The following MYO18B variants were observed in gnomAD, a reference collection of about 807,000 sequenced individuals.
MYO18B encodes myosin XVIIIB.
MYO18B carries 204 observed loss-of-function variants against 273.0 expected under a neutral mutation model. That is an observed-to-expected ratio of 0.75 (90% confidence interval 0.67 to 0.84). The LOEUF (loss-of-function observed/expected upper bound fraction) is 0.84, where lower values mean the gene tolerates loss of function less well. Among genes scored for constraint, MYO18B ranks in the 40% least tolerant of loss-of-function variants. The probability of loss-of-function intolerance (pLI) is 0.00; values close to 1 mark genes in which losing one functional copy is unlikely to be tolerated. For synonymous variants in MYO18B, 1,330 were observed against 1,305.7 expected, an observed-to-expected ratio of 1.02 and a Z score of -0.40; for missense variants, 3,212 against 3,287.6, an observed-to-expected ratio of 0.98 and a Z score of 0.56.
At chr22:25,873,058 C>T (rs182665462) in intron 22 of MYO18B, among the ~76,000 whole-genome samples, 58 of 152,300 alleles carry the variant, frequency 3.8e-4, no homozygotes, top group Admixed American at 7.2e-4. Context: ...GCTACCCTTG[C>T]GCATTGGCAG....
At chr22:26,063,187 A>G in the MYO18B span, among the ~76,000 whole-genome samples, 3 of 152,238 alleles carry the variant, frequency 2.0e-5, no homozygotes, top group African/African-American at 7.2e-5. Context: ...AATGATATTC[A>G]GATTAATAAA....
At chr22:25,990,680 T>G (rs1479971950) in intron 39 of MYO18B, among the ~76,000 whole-genome samples, 1 of 87,494 alleles carries the variant, frequency 1.1e-5, no homozygotes, top group Non-Finnish European at 2.1e-5. Flanking sequence ...GAGCAAGACT[T>G]TGTCTCAAAA....
chr22:25,789,045 T>C (rs1457197279), intron 11 of MYO18B, among the ~76,000 whole-genome samples: 2 of 151,850 alleles, frequency 1.3e-5, no homozygotes, highest in Non-Finnish European at 2.9e-5. Context: ...CTTCCTTCTT[T>C]CTTTTTCTTC....
At chr22:25,956,744 C>G (rs1157654729) in intron 39 of MYO18B, among the ~76,000 whole-genome samples, 5 of 152,142 alleles carry the variant, frequency 3.3e-5, no homozygotes, top group Admixed American at 3.3e-4. Flanking sequence ...TAGAGACAGC[C>G]CACAATATGC....
chr22:25,756,701 A>C (rs567256013), intron 1 of MYO18B: 1 of 152,252 alleles, frequency 6.6e-6, no homozygotes, highest in Non-Finnish European at 1.5e-5. Flanking sequence ...AGCAGCCTTC[A>C]TCTTTTCATC....
chr22:25,773,788 G>A (rs959365652), intron 7 of MYO18B, among the ~76,000 whole-genome samples: 3 of 152,188 alleles, frequency 2.0e-5, no homozygotes, highest in Non-Finnish European at 4.4e-5. Flanking sequence ...TTTATGAACT[G>A]GGCAGCCTCC....
chr22:25,795,924 A>T (rs953556387), intron 11 of MYO18B, among the ~76,000 whole-genome samples: 2 of 152,094 alleles, frequency 1.3e-5, no homozygotes, highest in Non-Finnish European at 2.9e-5. Context: ...CTTGTATCTG[A>T]TACTAATTTG....
At chr22:25,772,247 T>A in intron 6 of MYO18B, 87 bp from the exon 7 acceptor site, 2 of 1,188,930 alleles carry the variant, frequency 1.7e-6, no homozygotes, top group South Asian at 1.5e-5. Context: ...GAGGGCTTAG[T>A]GTGTGTTTGG....
At chr22:25,801,789 A>G (rs1369556198) in intron 12 of MYO18B, among the ~76,000 whole-genome samples, 2 of 152,148 alleles carry the variant, frequency 1.3e-5, no homozygotes, top group East Asian at 3.9e-4. Flanking sequence ...GAGGACTGTT[A>G]CGATGCCCAT....
In MYO18B at chr22:25,768,300, C is replaced by G. The variant is rs1212678254; in HGVS notation, c.384C>G (p.Ala128=). The G allele has an allele frequency of 1.9e-6, 3 of 1,613,746 alleles. No homozygotes were observed. The African/African-American group carries it at 4.0e-5, about 22-fold the overall frequency. The change falls in exon 4 of 44, where the codon GCC becomes GCG. Residue 128 remains alanine (A), a synonymous_variant. Coordinates refer to ENST00000335473, the MANE Select transcript of MYO18B (RefSeq NM_032608.7). The stretch of plus-strand genomic sequence containing the variant: ...TGACAAGCATCAATGGTGAGAAGGC[C>G]CAGGAGCTGGGCTCCAGTGCGACAC... ...EQMTSINGEK[A]QELGSSATPT...
intron 43 of MYO18B, among the ~76,000 whole-genome samples, chr22:26,029,159 A>G (rs369045794): frequency 1.8e-4 from 27 of 152,306 alleles, no homozygotes; most frequent in African/African-American, 6.3e-4. Context: ...CATGAGTGAA[A>G]TTAGAGCTGT....
intron 14 of MYO18B, among the ~76,000 whole-genome samples, chr22:25,828,199 A>T (rs1349070118): frequency 6.6e-6 from 1 of 152,080 alleles, no homozygotes; most frequent in East Asian, 1.9e-4. Context: ...GGTGGCTAAG[A>T]CGGTGGAGGC....
At chr22:25,824,425 T>G (rs1039308192) in intron 13 of MYO18B, among the ~76,000 whole-genome samples, 1 of 152,032 alleles carries the variant, frequency 6.6e-6, no homozygotes, top group Non-Finnish European at 1.5e-5. Flanking sequence ...GCTGGAAGAA[T>G]GAGGATGCTT....
At chr22:26,003,625 A>G (rs191286276) in intron 41 of MYO18B, among the ~76,000 whole-genome samples, 1 of 152,052 alleles carries the variant, frequency 6.6e-6, no homozygotes, top group East Asian at 1.9e-4. Context: ...TTCCCCTCCA[A>G]CTGTGATTTC....
At chr22:26,023,375 G>A (rs138597042) in intron 42 of MYO18B, among the ~76,000 whole-genome samples, 1 of 152,180 alleles carries the variant, frequency 6.6e-6, no homozygotes, top group South Asian at 2.1e-4. Flanking sequence ...AGAAATGAGA[G>A]TCAGCAAGAC....
At chr22:25,858,094 A>C (rs541833762) in intron 21 of MYO18B, among the ~76,000 whole-genome samples, 59 of 152,352 alleles carry the variant, frequency 3.9e-4, no homozygotes, top group Admixed American at 3.4e-3. Flanking sequence ...CTTGAGCATA[A>C]ATAGTTAAAA....
chr22:25,851,434 T>C, intron 20 of MYO18B, 36 bp from the exon 21 acceptor site: 1 of 1,424,898 alleles, frequency 7.0e-7, no homozygotes, highest in Non-Finnish European at 9.7e-7. Context: ...TCATCTGGAC[T>C]CTGTGCTCTT....
intron 42 of MYO18B, among the ~76,000 whole-genome samples, chr22:26,012,556 G>C (rs76790543): frequency 0.01 from 1,535 of 152,278 alleles, 25 homozygotes; most frequent in African/African-American, 0.035. Context: ...TGGACCAAAG[G>C]CCTGAGCAAG....
At position 25,847,563 on chromosome 22, in the gene MYO18B, C is replaced by A. The variant is rs750568813; in HGVS notation, c.3686C>A (p.Ala1229Glu). Reference protein sequence around the residue: ...PPQPGRDKPGAGGPLALDIPA... With the variant: ...PPQPGRDKPGEGGPLALDIPA... ...CAGCCTGGTAGAGACAAGCCTGGGG[C>A]AGGTGGACCTCTGGCCCTGGATATC... Residue 1229 changes from alanine to glutamate, a missense_variant, in exon 20 of 44, where the codon GCA (alanine) becomes GAA (glutamate). Transcript: ENST00000335473. 1.3e-6 allele frequency: 2 copies of A among 1,569,184 alleles called. No individual in the cohort carries two copies. Among genetic ancestry groups the A allele is most frequent in the Non-Finnish European group, 1.7e-6 (2 of 1,156,984 alleles).
Sources: allele counts gnomAD v4.1 joint callset (sites outside exome capture counted in the v4.1 genomes callset), GRCh38; gene constraint gnomAD v4.1.1; transcripts MANE v1.5; gene names NCBI Gene and HGNC (gene_info 2026-07-23, HGNC 2026-07-21).